RAI1: variants seen among roughly 807,000 people sequenced by gnomAD.
RAI1 encodes retinoic acid-induced protein 1.
In RAI1, 9 loss-of-function variants were observed where a neutral mutation model predicts 123.8. The observed-to-expected ratio is 0.07, with a 90% CI of 0.04 to 0.13. The LOEUF (loss-of-function observed/expected upper bound fraction) is 0.13, where lower values mean the gene tolerates loss of function less well. Among genes scored for constraint, RAI1 ranks in the 10% least tolerant of loss-of-function variants. The pLI, the probability that RAI1 is intolerant of heterozygous loss-of-function variation, is 1.00. For synonymous variants in RAI1, 1,231 were observed against 1,127.3 expected, an observed-to-expected ratio of 1.09 and a Z score of -1.84; for missense variants, 2,256 against 2,545.8, an observed-to-expected ratio of 0.89 and a Z score of 2.45.
chr17:17,779,935 C>T (rs1323518668), intron 2 of RAI1, among the ~76,000 whole-genome samples: 1 of 151,488 alleles, frequency 6.6e-6, no homozygotes, highest in Non-Finnish European at 1.5e-5. Flanking sequence ...GCCACCTCGC[C>T]CGGCTAATTT....
At chr17:17,741,133 G>A (rs929642226) in intron 2 of RAI1, among the ~76,000 whole-genome samples, 2 of 151,824 alleles carry the variant, frequency 1.3e-5, no homozygotes, top group Non-Finnish European at 2.9e-5. Context: ...ACACACGCAC[G>A]CTCACACTCA....
chr17:17,800,217 T>TCC lies in RAI1; in HGVS notation c.5565+1705_5565+1706insCC, dbSNP rs2032412660. Among the ~76,000 whole-genome samples the TCC allele has an allele frequency of 6.9e-6, 1 of 144,218 alleles. No individual in the cohort carries two copies. The highest frequency in any genetic ancestry group is 2.6e-5 in the African/African-American group (1 of 37,962). The allele number at this position is 144,218 out of a possible 152,430, so 94.6% of individuals were successfully genotyped here. ...CTCTCTCTCTCTCTCTCTCTCTCTCTCTCTCTCTCTCATTACTGGCTCCTT... is the reference window on the plus strand; with the variant it reads ...CTCTCTCTCTCTCTCTCTCTCTCTCTCCCTCTCTCTCTCATTACTGGCTCCTT... On this transcript the variant is annotated intron_variant, in intron 3 of 5. Coordinates refer to ENST00000353383, the MANE Select transcript of RAI1 (RefSeq NM_030665.4). The surrounding 1 kb of genome is among the most constrained non-coding windows in gnomAD (Gnocchi z 4.7).
chr17:17,744,305 C>G (rs535679821), intron 2 of RAI1, among the ~76,000 whole-genome samples: 28 of 152,298 alleles, frequency 1.8e-4, no homozygotes, highest in African/African-American at 6.3e-4. Context: ...GAGCCTCAGT[C>G]TGCTGTTCTG....
intron 3 of RAI1, 114 bp downstream of exon 3, chr17:17,798,627 G>A: frequency 2.0e-6 from 3 of 1,508,090 alleles, no homozygotes; most frequent in Non-Finnish European, 2.7e-6. Flanking sequence ...TGTGTCTGCA[G>A]TCTCGGGACA....
intron 2 of RAI1, among the ~76,000 whole-genome samples, chr17:17,776,124 C>T (rs1295245003): frequency 3.9e-5 from 6 of 152,172 alleles, no homozygotes; most frequent in Non-Finnish European, 5.9e-5. Flanking sequence ...CATTGCAGGA[C>T]GCAGGGGAGC....
chr17:17,800,186 CTCT>C lies in RAI1; in HGVS notation c.5565+1674_5565+1676del, dbSNP rs2032409235. On this transcript the variant is annotated intron_variant, in intron 3 of 5. Coordinates refer to ENST00000353383, the MANE Select transcript of RAI1 (RefSeq NM_030665.4). The surrounding 1 kb of genome is among the most constrained non-coding windows in gnomAD (Gnocchi z 4.7). ...CTGCTTTCTGTCTCTCTCTGTCTCT[CTCT>C]CTCTCTCTCTCTCTCTCTCTCTCTC... Among the ~76,000 whole-genome samples, 1 of 55,556 alleles carries C rather than the reference CTCT, an allele frequency of 1.8e-5. No individual in the cohort carries two copies. Among genetic ancestry groups the C allele is most frequent in the Non-Finnish European group, 3.4e-5 (1 of 29,644 alleles). 36.4% of individuals were successfully genotyped at this position (55,556 alleles called of 152,430 possible).
intron 2 of RAI1, among the ~76,000 whole-genome samples, chr17:17,752,660 C>A (rs1270452003): frequency 6.6e-6 from 1 of 152,334 alleles, no homozygotes; most frequent in Admixed American, 6.5e-5. Context: ...CCAGGCACTG[C>A]AGACGTGTCC....
rs762958935 is a variant in RAI1, at chr17:17,797,206, TCTA to T, written c.4261_4263del (p.Thr1421del). 1 of 1,613,784 alleles carries T rather than the reference TCTA, an allele frequency of 6.2e-7. No individual in the cohort carries two copies. Among genetic ancestry groups the T allele is most frequent in the South Asian group, 1.1e-5 (1 of 91,074 alleles). ...ACTCATGAACAGTAAGAAACTGTCT[TCTA>T]CTGACTGTTTCAAAACCGAGGCCTT... On this transcript the variant is annotated inframe_deletion, in exon 3 of 6. Coordinates refer to ENST00000353383, the MANE Select transcript of RAI1 (RefSeq NM_030665.4).
In RAI1 at chr17:17,795,717, G is replaced by C. The variant is rs1376478352; in HGVS notation, c.2769G>C (p.Glu923Asp). ...GCTCTCCGTGCCACCTCTCAGGGGA[G>C]TCCGTCATCCTGCTGGGCCCTACAG... ...GWGSPCHLSG[E>D]SVILLGPTVG... is the part of the protein sequence containing the mutation. Residue 923 changes from glutamate to aspartate, a missense_variant, in exon 3 of 6, where the codon GAG (glutamate) becomes GAC (aspartate). This residue lies in a region of RAI1 where 566 missense variants were observed against 616.0 expected (regional missense o/e 0.92). Transcript: ENST00000353383. This position sits in a 1 kb window ranked among gnomAD's most constrained non-coding sequence, Gnocchi z 5.9. The C allele has an allele frequency of 6.2e-7, 1 of 1,613,290 alleles. No individual in the cohort carries two copies. The highest frequency in any genetic ancestry group is 8.5e-7 in the Non-Finnish European group (1 of 1,180,038).
Position 17,809,171 on chromosome 17 carries a change from T to C in RAI1, c.5660-219T>C. 3.1e-6 allele frequency: 2 copies of C among 639,462 alleles called. No individual in the cohort carries two copies. The highest frequency in any genetic ancestry group is 1.7e-5 in the South Asian group (1 of 58,142). 39.6% of individuals were successfully genotyped at this position (639,462 alleles called of 1,614,324 possible). ...GGGGAAAAGCTCTCCGCGGAGGAGG[T>C]GAGGTGAGTCAAGACTGCCAGGCCA... On this transcript the variant is annotated intron_variant, in intron 4 of 5. Coordinates refer to ENST00000353383, the MANE Select transcript of RAI1 (RefSeq NM_030665.4). This position sits in a 1 kb window ranked among gnomAD's most constrained non-coding sequence, Gnocchi z 4.9.
chr17:17,798,931 C>G (rs2032365592), intron 3 of RAI1, among the ~76,000 whole-genome samples: 1 of 152,250 alleles, frequency 6.6e-6, no homozygotes, highest in African/African-American at 2.4e-5. Flanking sequence ...TGCCCACCCT[C>G]TGTTCCTGTC....
At chr17:17,730,573 G>A (rs1242044369) in intron 2 of RAI1, among the ~76,000 whole-genome samples, 3 of 152,208 alleles carry the variant, frequency 2.0e-5, no homozygotes, top group Non-Finnish European at 4.4e-5. Flanking sequence ...GCACCCCTAC[G>A]ACCAGATTTA....
At chr17:17,699,631 G>GA (rs1489344787) in intron 1 of RAI1, among the ~76,000 whole-genome samples, 1 of 129,842 alleles carries the variant, frequency 7.7e-6, no homozygotes, top group Non-Finnish European at 1.6e-5. Context: ...CGGGGGGCCG[G>GA]GGGGGGGGGA....
rs752682170 is a variant in RAI1, at chr17:17,796,601, C to G, written c.3653C>G (p.Pro1218Arg). 10 of 1,612,046 alleles carry G rather than the reference C, an allele frequency of 6.2e-6. No homozygotes were observed. In the South Asian group the frequency reaches 9.9e-5, roughly 16 times the overall value. ...GCAGGCAGCAAGCTCTCTGACCGGCCCCTCCATGCGCTCAAAAGGAAGTCG... is the reference window on the plus strand; with the variant it reads ...GCAGGCAGCAAGCTCTCTGACCGGCGCCTCCATGCGCTCAAAAGGAAGTCG... ...PGAGSKLSDR[P>R]LHALKRKSAF... is the part of the protein sequence containing the mutation. The change falls in exon 3 of 6, where the codon CCC (proline) becomes CGC (arginine). Residue 1218 changes from proline to arginine, a missense_variant. Physicochemically the swap from Pro to Arg is moderately radical, Grantham distance 103 (BLOSUM62 -2). Around this residue, in one of 7 missense-constraint regions of RAI1, gnomAD observed 322 missense variants for 358.0 expected, o/e 0.90. Coordinates refer to ENST00000353383, the MANE Select transcript of RAI1 (RefSeq NM_030665.4). This position sits in a 1 kb window ranked among gnomAD's most constrained non-coding sequence, Gnocchi z 5.8.
intron 2 of RAI1, among the ~76,000 whole-genome samples, chr17:17,765,622 C>T (rs925232362): frequency 2.0e-5 from 3 of 152,232 alleles, no homozygotes; most frequent in Non-Finnish European, 2.9e-5. Flanking sequence ...TCACTTCCAC[C>T]AGGTACACGT....
intron 2 of RAI1, among the ~76,000 whole-genome samples, chr17:17,737,439 C>T (rs767686064): frequency 2.6e-5 from 4 of 152,184 alleles, no homozygotes; most frequent in Non-Finnish European, 5.9e-5. Flanking sequence ...AAAACCCTGG[C>T]CTGTGCTGGA....
chr17:17,774,081 C>T (rs2031255565), intron 2 of RAI1, among the ~76,000 whole-genome samples: 1 of 152,164 alleles, frequency 6.6e-6, no homozygotes. Context: ...CCTCTGCTGC[C>T]TCCTCTATGA....
intron 2 of RAI1, among the ~76,000 whole-genome samples, chr17:17,749,540 A>G (rs2030069574): frequency 6.6e-6 from 1 of 152,200 alleles, no homozygotes; most frequent in Non-Finnish European, 1.5e-5. Flanking sequence ...AATATGAGGA[A>G]ACTGAAATTC....
At chr17:17,762,226 G>A (rs567733608) in intron 2 of RAI1, among the ~76,000 whole-genome samples, 1 of 152,276 alleles carries the variant, frequency 6.6e-6, no homozygotes, top group East Asian at 1.9e-4. Flanking sequence ...AGTTCCCTTA[G>A]GCAGGGCAGT....
Sources: allele counts gnomAD v4.1 joint callset (sites outside exome capture counted in the v4.1 genomes callset), GRCh38; gene constraint gnomAD v4.1.1; regional missense constraint gnomAD v4.1.1; non-coding constraint Gnocchi (gnomAD v3.1); transcripts MANE v1.5; gene names NCBI Gene and HGNC (gene_info 2026-07-23, HGNC 2026-07-21).